Variants in SUN2 observed in about 807,000 individuals in gnomAD.
SUN2 encodes Sad1 and UNC84 domain containing 2.
Under a neutral mutation model 100.0 loss-of-function variants are expected in SUN2, and 60 were observed. The ratio of observed to expected loss-of-function variants is 0.60; its 90% CI spans 0.49 to 0.74. The LOEUF is 0.74. Ranked by LOEUF, SUN2 falls within the 30% of genes least tolerant of loss-of-function variation. The probability of loss-of-function intolerance (pLI) is 0.00; values close to 1 mark genes in which losing one functional copy is unlikely to be tolerated. For missense variants in SUN2, 834 were observed against 954.6 expected (o/e 0.87, Z 1.66); for synonymous variants, 367 against 403.3 (o/e 0.91, Z 1.08).
intron 6 of SUN2, among the ~76,000 whole-genome samples, chr22:38,749,360 G>A (rs2092926412): frequency 6.6e-6 from 1 of 152,154 alleles, no homozygotes; most frequent in Non-Finnish European, 1.5e-5. Flanking sequence ...GAACTCGGGG[G>A]GTTAGATTGT....
chr22:38,735,589 G>A lies in SUN2; in HGVS notation c.*678C>T, dbSNP rs1406210390. ...CCCCAGCAGAGGGGAAGCCTACAGG[G>A]TTGGCCCTGGGCCCCTTAGAAGATC... is the stretch of plus-strand genomic sequence containing the variant. On this transcript the variant is annotated 3_prime_UTR_variant, in exon 18 of 18. Coordinates refer to ENST00000689035, the MANE Select transcript of SUN2 (RefSeq NM_015374.3). 1 of 210,314 alleles carries A rather than the reference G, an allele frequency of 4.8e-6. No homozygotes were observed. The highest frequency in any genetic ancestry group is 9.9e-6 in the Non-Finnish European group (1 of 101,148). The allele number at this position is 210,314 out of a possible 1,614,324, so 13.0% of individuals were successfully genotyped here.
chr22:38,754,603 T>TGGCGGG, intron 1 of SUN2: 1 of 889,150 alleles, frequency 1.1e-6, no homozygotes, highest in Non-Finnish European at 1.6e-6. Context: ...TAAGGTAATC[T>TGGCGGG]CCCCTCCCCC....
chr22:38,737,861 C>T lies in SUN2; in HGVS notation c.2040+312G>A, dbSNP rs552303184. 4.3e-5 allele frequency: 24 copies of T among 563,018 alleles called. No homozygotes were observed. Among genetic ancestry groups the T allele is most frequent in the East Asian group, 1.8e-4 (4 of 22,504 alleles). The allele number at this position is 563,018 out of a possible 1,614,324, so 34.9% of individuals were successfully genotyped here. ...ATGCCCGCGCCCTGGCATGTGCTGG[C>T]GGCGGCTCCTCGAACGCCTCTCCCG... On this transcript the variant is annotated intron_variant, in intron 17 of 17. Coordinates refer to ENST00000689035, the MANE Select transcript of SUN2 (RefSeq NM_015374.3). This position sits in a 1 kb window ranked among gnomAD's most constrained non-coding sequence, Gnocchi z 4.1.
At position 38,755,310 on chromosome 22, in the gene SUN2, C is replaced by T; in HGVS notation, c.-38+453G>A. On this transcript the variant is annotated intron_variant, in intron 1 of 17. Coordinates refer to ENST00000689035, the MANE Select transcript of SUN2 (RefSeq NM_015374.3). The surrounding 1 kb of genome is among the most constrained non-coding windows in gnomAD (Gnocchi z 5.7). ...CACCAAAGGCGCGCCTCCTGGCTCT[C>T]TAAGTCACACCGCGCCCCCCATTGC... 9.0e-7 allele frequency: 1 copy of T among 1,113,020 alleles called. No homozygotes were observed. The allele number at this position is 1,113,020 out of a possible 1,614,324, so 68.9% of individuals were successfully genotyped here. A position where few individuals can be genotyped will look rare whatever the true frequency, so the allele number is the denominator to read the frequency against.
Position 38,752,577 on chromosome 22 carries a change from C to T in SUN2, c.52G>A (p.Gly18Ser), listed in dbSNP as rs755720130. Residue 18 changes from glycine (G) to serine (S), a missense_variant, in exon 2 of 18, where the codon GGC becomes AGC. Around this residue, in one of 3 missense-constraint regions of SUN2, gnomAD observed 559 missense variants for 597.7 expected, o/e 0.94. Coordinates refer to ENST00000689035, the MANE Select transcript of SUN2 (RefSeq NM_015374.3). The part of the protein sequence containing the change: ...LTRYSQGDDD[G>S]SSSSGGSSVA... Reference sequence around the variant, plus strand: ...GAGCTCCCTCCGCTGCTGCTGCTGCCGTCATCGTCACCCTGGGAGTAGCGC... The same window carrying T: ...GAGCTCCCTCCGCTGCTGCTGCTGCTGTCATCGTCACCCTGGGAGTAGCGC... 5.0e-6 allele frequency: 8 copies of T among 1,613,920 alleles called. No homozygotes were observed. In the African/African-American group the frequency reaches 5.3e-5, roughly 11 times the overall value.
At chr22:38,742,869 G>A in intron 8 of SUN2, 1 of 279,810 alleles carries the variant, frequency 3.6e-6, no homozygotes. Context: ...GGTCCAGGAG[G>A]AGGACTGGAA....
At chr22:38,745,607 C>A in intron 8 of SUN2, 77 bp downstream of exon 8, 1 of 1,572,476 alleles carries the variant, frequency 6.4e-7, no homozygotes, top group Non-Finnish European at 8.6e-7. Context: ...GTGAGGCAGG[C>A]TGAGGGCGCA....
At chr22:38,753,248 C>T (rs1469679884) in intron 1 of SUN2, among the ~76,000 whole-genome samples, 4 of 137,582 alleles carry the variant, frequency 2.9e-5, no homozygotes, top group African/African-American at 8.4e-5. Context: ...TGGAGTCTCG[C>T]GCTGCCTCCC....
chr22:38,749,076 A>G (rs1009830777), intron 6 of SUN2: 1 of 372,848 alleles, frequency 2.7e-6, no homozygotes, highest in Non-Finnish European at 4.9e-6. Flanking sequence ...TCCTCTAAGT[A>G]TGCAAATATA....
chr22:38,741,399 A>G (rs2092856533), intron 10 of SUN2, 95 bp downstream of exon 10: 1 of 1,302,438 alleles, frequency 7.7e-7, no homozygotes, highest in African/African-American at 1.4e-5. Flanking sequence ...GCAACACCCA[A>G]ACAGTCCCTT....
chr22:38,739,218 G>T lies in SUN2; in HGVS notation c.1663+124C>A, dbSNP rs1343876514. ...CACTTGCCTTTGTCATGGGTACTAG[G>T]TTGGGTGATTTCTGCTGATCCTGAG... On this transcript the variant is annotated intron_variant, in intron 14 of 17. Coordinates refer to ENST00000689035, the MANE Select transcript of SUN2 (RefSeq NM_015374.3). This position sits in a 1 kb window ranked among gnomAD's most constrained non-coding sequence, Gnocchi z 6.7. The T allele has an allele frequency of 8.7e-7, 1 of 1,148,770 alleles. No individual in the cohort carries two copies. The highest frequency in any genetic ancestry group is 2.4e-5 in the East Asian group (1 of 41,484). 71.2% of individuals were successfully genotyped at this position (1,148,770 alleles called of 1,614,324 possible).
At chr22:38,744,882 G>A (rs1379636231) in intron 8 of SUN2, among the ~76,000 whole-genome samples, 1 of 152,164 alleles carries the variant, frequency 6.6e-6, no homozygotes, top group African/African-American at 2.4e-5. Flanking sequence ...CTCCTTGAGG[G>A]CACAGCCTGG....
At chr22:38,754,537 T>C (rs2092970774) in intron 1 of SUN2, 2 of 1,005,970 alleles carry the variant, frequency 2.0e-6, no homozygotes, top group Admixed American at 4.9e-5. Flanking sequence ...AGGGACCGAT[T>C]GGTAGTAGGA....
At chr22:38,751,162 C>T (rs778974218) in intron 3 of SUN2, 48 bp downstream of exon 3, 33 of 1,603,648 alleles carry the variant, frequency 2.1e-5, no homozygotes, top group African/African-American at 5.4e-5. Flanking sequence ...GAGTATCTCG[C>T]GGGAGGCCGA....
At chr22:38,743,563 GGCAA>G (rs1261753081) in intron 8 of SUN2, 1 of 142,430 alleles carries the variant, frequency 7.0e-6, no homozygotes, top group Non-Finnish European at 1.5e-5. Context: ...CTTTAGTCTG[GGCAA>G]CAAGAGCAAG....
intron 7 of SUN2, among the ~76,000 whole-genome samples, chr22:38,746,678 T>C (rs2092906071): frequency 6.6e-6 from 1 of 152,288 alleles, no homozygotes; most frequent in Non-Finnish European, 1.5e-5. Context: ...GAAGCTCAAA[T>C]TGAACTGAGA....
In SUN2 at chr22:38,755,096, T is replaced by G. The variant is rs188121305; in HGVS notation, c.-38+667A>C. On this transcript the variant is annotated intron_variant, in intron 1 of 17. Transcript: ENST00000689035. This position sits in a 1 kb window ranked among gnomAD's most constrained non-coding sequence, Gnocchi z 5.7. ...CTTCTCAGCTGGGCGACTTCCTTTC[T>G]CAATTCCGCCCTTCCCCATCACAAA... The G allele has an allele frequency of 5.1e-6, 5 of 985,816 alleles. No individual in the cohort carries two copies. In the East Asian group the frequency reaches 3.1e-4, roughly 60 times the overall value. 61.1% of individuals were successfully genotyped at this position (985,816 alleles called of 1,614,324 possible).
chr22:38,750,395 G>A (rs1255082896), intron 4 of SUN2, 75 bp from the exon 5 acceptor site: 3 of 1,583,668 alleles, frequency 1.9e-6, no homozygotes, highest in African/African-American at 1.3e-5. Flanking sequence ...TGTGAGCCAA[G>A]ACCACAAGTC....
intron 10 of SUN2, among the ~76,000 whole-genome samples, 183 bp downstream of exon 10, chr22:38,741,311 G>C (rs1308073343): frequency 6.6e-6 from 1 of 152,174 alleles, no homozygotes; most frequent in Non-Finnish European, 1.5e-5. Context: ...GCACACCCCA[G>C]GGAGCCCCTG....
Sources: allele counts gnomAD v4.1 joint callset (sites outside exome capture counted in the v4.1 genomes callset), GRCh38; gene constraint gnomAD v4.1.1; regional missense constraint gnomAD v4.1.1; non-coding constraint Gnocchi (gnomAD v3.1); transcripts MANE v1.5; gene names NCBI Gene and HGNC (gene_info 2026-07-23, HGNC 2026-07-21).